KIF23: variants seen among roughly 807,000 people sequenced by gnomAD.
The protein encoded by KIF23 is kinesin-like protein KIF23.
In KIF23, 30 loss-of-function variants were observed where a neutral mutation model predicts 137.5. The observed-to-expected ratio is 0.22, with a 90% CI of 0.16 to 0.30. KIF23 has a LOEUF of 0.30. Ranked by LOEUF, KIF23 falls within the 10% of genes least tolerant of loss-of-function variation. The probability of loss-of-function intolerance (pLI) is 1.00; values close to 1 mark genes in which losing one functional copy is unlikely to be tolerated. For missense variants in KIF23, 920 were observed against 1,194.3 expected (o/e 0.77, Z 3.38); for synonymous variants, 367 against 391.1 (o/e 0.94, Z 0.73).
chr15:69,415,549 A>C (rs2056878750), intron 1 of KIF23, among the ~76,000 whole-genome samples: 2 of 152,210 alleles, frequency 1.3e-5, no homozygotes, highest in African/African-American at 4.8e-5. Context: ...TAATGTTTTG[A>C]GCATTCAATG....
chr15:69,415,863 A>T (rs1158707586), intron 1 of KIF23, 131 bp from the exon 2 acceptor site: 1 of 612,892 alleles, frequency 1.6e-6, no homozygotes, highest in Non-Finnish European at 2.8e-6. Context: ...GTTATTTGGG[A>T]TGCAGTGTTT....
At chr15:69,428,252 T>TA (rs796690297) in intron 10 of KIF23, among the ~76,000 whole-genome samples, 93 of 143,124 alleles carry the variant, frequency 6.5e-4, no homozygotes, top group Admixed American at 1.8e-3. Context: ...AGACTCTGTC[T>TA]AAAAAAAAAA....
At chr15:69,424,523 G>C (rs1465410046) in intron 7 of KIF23, among the ~76,000 whole-genome samples, 8 of 152,136 alleles carry the variant, frequency 5.3e-5, no homozygotes, top group Non-Finnish European at 1.5e-5. Flanking sequence ...TTGTGAGACA[G>C]TTACTTTTTA....
intron 16 of KIF23, 89 bp downstream of exon 16, chr15:69,438,494 ATGC>A (rs1327423852): frequency 8.0e-7 from 1 of 1,248,302 alleles, no homozygotes; most frequent in African/African-American, 1.5e-5. Context: ...CGGCCTGTAA[ATGC>A]TGCTTATTAA....
chr15:69,422,564 T>C, intron 6 of KIF23, 129 bp downstream of exon 6: 2 of 627,668 alleles, frequency 3.2e-6, no homozygotes, highest in East Asian at 5.4e-5. Flanking sequence ...AGTTAAGGAA[T>C]GTTCTTAAGT....
chr15:69,416,501 A>G (rs969913260), intron 2 of KIF23, among the ~76,000 whole-genome samples: 2 of 152,252 alleles, frequency 1.3e-5, no homozygotes, highest in Non-Finnish European at 2.9e-5. Context: ...ATTTTAAAAC[A>G]AAACAACAAA....
intron 2 of KIF23, among the ~76,000 whole-genome samples, chr15:69,416,791 C>T (rs755111544): frequency 1.3e-5 from 2 of 152,000 alleles, no homozygotes; most frequent in Non-Finnish European, 2.9e-5. Flanking sequence ...CCTGTCTCTA[C>T]TAAAATTACA....
intron 3 of KIF23, among the ~76,000 whole-genome samples, 172 bp downstream of exon 3, chr15:69,417,683 T>C (rs2056953171): frequency 6.6e-6 from 1 of 152,248 alleles, no homozygotes; most frequent in African/African-American, 2.4e-5. Flanking sequence ...TGCACAGACA[T>C]ACCTTTGGTA....
Position 69,435,788 on chromosome 15 carries a change from T to A in KIF23, c.1314+17T>A, listed in dbSNP as rs1315660256. 1 of 1,609,224 alleles carries A rather than the reference T, an allele frequency of 6.2e-7. No homozygotes were observed. The highest frequency in any genetic ancestry group is 8.5e-7 in the Non-Finnish European group (1 of 1,178,872). On this transcript the variant is annotated intron_variant, in intron 13 of 23. Coordinates refer to ENST00000679126, the MANE Select transcript of KIF23 (RefSeq NM_001367805.3). ...GAAAACTTGGTAATTTTAATGTATTTGTCCTATAAAGTCTTGAGTTTTTGT... is the reference window on the plus strand; with the variant it reads ...GAAAACTTGGTAATTTTAATGTATTAGTCCTATAAAGTCTTGAGTTTTTGT...
intron 7 of KIF23, among the ~76,000 whole-genome samples, chr15:69,424,355 A>G (rs1320007863): frequency 1.3e-5 from 2 of 152,192 alleles, no homozygotes; most frequent in Non-Finnish European, 1.5e-5. Context: ...AGTTTATGCC[A>G]AGGAAGACTC....
intron 7 of KIF23, 65 bp from the exon 8 acceptor site, chr15:69,425,217 A>T: frequency 8.2e-7 from 1 of 1,224,492 alleles, no homozygotes; most frequent in Non-Finnish European, 1.2e-6. Flanking sequence ...CATAGTCTGG[A>T]CTGAACATGT....
Position 69,421,736 on chromosome 15 carries a change from C to T in KIF23, c.300C>T (p.Leu100=), listed in dbSNP as rs1041485717. 2.5e-6 allele frequency: 4 copies of T among 1,611,364 alleles called. No homozygotes were observed. Among genetic ancestry groups the T allele is most frequent in the South Asian group, 2.2e-5 (2 of 90,892 alleles). ...DVVANPLVND[L]IHGKNGLLFT... The stretch of plus-strand genomic sequence containing the variant: ...TGGCTAATCCCTTGGTCAATGACCT[C>T]ATTCATGGCAAAAATGGTATGATAT... The change falls in exon 4 of 24, where the codon CTC becomes CTT. Residue 100 remains leucine (L), a synonymous_variant. Coordinates refer to ENST00000679126, the MANE Select transcript of KIF23 (RefSeq NM_001367805.3).
chr15:69,441,151 T>G lies in KIF23; in HGVS notation c.2421+72T>G, dbSNP rs2057610749. On this transcript the variant is annotated intron_variant, in intron 19 of 23. Transcript: ENST00000679126. ...TTCTTTGTTTTTTGTAACTTGTGTCTGAAAGTTCATTGGAAAAATGGTTGG... is the reference window on the plus strand; with the variant it reads ...TTCTTTGTTTTTTGTAACTTGTGTCGGAAAGTTCATTGGAAAAATGGTTGG... 3.0e-6 allele frequency: 4 copies of G among 1,325,140 alleles called. No individual in the cohort carries two copies. In the East Asian group the frequency reaches 9.8e-5, roughly 33 times the overall value. The allele number at this position is 1,325,140 out of a possible 1,614,324, so 82.1% of individuals were successfully genotyped here.
In KIF23 at chr15:69,423,217, G is replaced by A; in HGVS notation, c.622G>A (p.Glu208Lys). Residue 208 changes from glutamate (E) to lysine (K), a missense_variant, in exon 7 of 24, where the codon GAA (glutamate) becomes AAA (lysine). This residue lies in a region of KIF23 where 714 missense variants were observed against 866.2 expected (regional missense o/e 0.82). Coordinates refer to ENST00000679126, the MANE Select transcript of KIF23 (RefSeq NM_001367805.3). ...AACTGTACAAGAATTCTGCAAAGCA[G>A]AAGAGGTTGATGAAGATAGTGTCTA... ...MITVQEFCKA[E>K]EVDEDSVYGV... is the part of the protein sequence containing the mutation. 1 of 1,602,882 alleles carries A rather than the reference G, an allele frequency of 6.2e-7. No homozygotes were observed. Among genetic ancestry groups the A allele is most frequent in the Non-Finnish European group, 8.5e-7 (1 of 1,172,780 alleles).
At chr15:69,435,938 T>C (rs541586863) in intron 13 of KIF23, among the ~76,000 whole-genome samples, 167 bp downstream of exon 13, 23 of 152,150 alleles carry the variant, frequency 1.5e-4, no homozygotes, top group Middle Eastern at 3.4e-3. Context: ...TCCCAACATG[T>C]TGGGAAGCTG....
intron 10 of KIF23, chr15:69,427,355 T>C (rs13379883): frequency 0.044 from 20,128 of 454,566 alleles, 982 homozygotes; most frequent in East Asian, 0.19. Context: ...AACTTTTTTT[T>C]CCCCATTATT....
chr15:69,419,877 T>C (rs779878497), intron 3 of KIF23, among the ~76,000 whole-genome samples: 1 of 152,110 alleles, frequency 6.6e-6, no homozygotes, highest in East Asian at 1.9e-4. Context: ...TGTATAAATA[T>C]AGGTATCGAG....
rs919972954 is a variant in KIF23, at chr15:69,436,065, T to G, written c.1315-73T>G. 1.5e-5 allele frequency: 24 copies of G among 1,558,590 alleles called. No homozygotes were observed. In the Admixed American group the frequency reaches 3.9e-4, roughly 26 times the overall value. On this transcript the variant is annotated intron_variant, in intron 13 of 23. Transcript: ENST00000679126. ...TCAAATAAATAAAAATAAGCAATCT[T>G]TGCTTCATTTAGTAATTTCTGGGAC...
At chr15:69,443,797 T>C (rs1313902346) in intron 19 of KIF23, 1 of 152,098 alleles carries the variant, frequency 6.6e-6, no homozygotes, top group African/African-American at 2.4e-5. Context: ...TGTTTGTTTT[T>C]GAGGCAGGGT....
Sources: allele counts gnomAD v4.1 joint callset (sites outside exome capture counted in the v4.1 genomes callset), GRCh38; gene constraint gnomAD v4.1.1; regional missense constraint gnomAD v4.1.1; transcripts MANE v1.5; gene names NCBI Gene and HGNC (gene_info 2026-07-23, HGNC 2026-07-21).